PCDHGC4: variants seen among roughly 807,000 people sequenced by gnomAD.
PCDHGC4 encodes protocadherin gamma-C4.
Under a neutral mutation model 59.7 loss-of-function variants are expected in PCDHGC4, and 15 were observed. The observed-to-expected ratio is 0.25, with a 90% CI of 0.17 to 0.39. The LOEUF (loss-of-function observed/expected upper bound fraction) is 0.39, where lower values mean the gene tolerates loss of function less well. Ranked by LOEUF, PCDHGC4 falls within the 10% of genes least tolerant of loss-of-function variation. The probability of loss-of-function intolerance (pLI) is 1.00; values close to 1 mark genes in which losing one functional copy is unlikely to be tolerated. For synonymous variants in PCDHGC4, 434 were observed against 481.4 expected (o/e 0.90, Z 1.29); for missense variants, 1,016 against 1,189.5 (o/e 0.85, Z 2.15).
Position 141,489,826 on chromosome 5 carries a change from C to T in PCDHGC4, c.2442+2211C>T, listed in dbSNP as rs1270077118. 1 of 1,614,186 alleles carries T rather than the reference C, an allele frequency of 6.2e-7. No individual in the cohort carries two copies. The highest frequency in any genetic ancestry group is 1.7e-5 in the Admixed American group (1 of 60,028). On this transcript the variant is annotated intron_variant, in intron 1 of 3. Coordinates refer to ENST00000306593, the MANE Select transcript of PCDHGC4 (RefSeq NM_018928.3). The surrounding 1 kb of genome is among the most constrained non-coding windows in gnomAD (Gnocchi z 4.5). ...TGGGAAGCCATTCCCAGAGCTGGTGCTAGAGCAGCAGCTGGATCGTGAAGC... is the reference window on the plus strand; with the variant it reads ...TGGGAAGCCATTCCCAGAGCTGGTGTTAGAGCAGCAGCTGGATCGTGAAGC...
At chr5:141,495,123 T>C (rs2099759225) in intron 2 of PCDHGC4, among the ~76,000 whole-genome samples, 1 of 152,162 alleles carries the variant, frequency 6.6e-6, no homozygotes, top group African/African-American at 2.4e-5. Flanking sequence ...TCCTATCCCC[T>C]GAGGGCACTG....
intron 2 of PCDHGC4, among the ~76,000 whole-genome samples, chr5:141,496,180 GC>G (rs1054381604): frequency 1.4e-4 from 21 of 151,922 alleles, no homozygotes; most frequent in Non-Finnish European, 2.9e-4. Flanking sequence ...CATCCAAGCA[GC>G]CCCAGCTGCT....
In PCDHGC4 at chr5:141,512,267, G is replaced by C. The variant is rs2099884152; in HGVS notation, c.*1094G>C. On this transcript the variant is annotated 3_prime_UTR_variant, in exon 4 of 4. Coordinates refer to ENST00000306593, the MANE Select transcript of PCDHGC4 (RefSeq NM_018928.3). ...GCCTCTGTGGGTGCTGGGTACTCCA[G>C]AGGTGCCACTGGTGGAAGGGTCAGC... 2.6e-5 allele frequency: 4 copies of C among 152,744 alleles called. No homozygotes were observed. Among genetic ancestry groups the C allele is most frequent in the Admixed American group, 2.6e-4 (4 of 15,290 alleles). 9.5% of individuals were successfully genotyped at this position (152,744 alleles called of 1,614,324 possible). A position where few individuals can be genotyped will look rare whatever the true frequency, so the allele number is the denominator to read the frequency against.
At chr5:141,498,679 C>G (rs1454800332) in intron 2 of PCDHGC4, among the ~76,000 whole-genome samples, 1 of 152,170 alleles carries the variant, frequency 6.6e-6, no homozygotes, top group Admixed American at 6.5e-5. Flanking sequence ...CGCCTGTAAT[C>G]CCAGCACTTT....
rs1424346887 is a variant in PCDHGC4, at chr5:141,489,602, T to C, written c.2442+1987T>C. ...CCCCTGGAGCTAATCCGTGTAGAGG[T>C]AGAGATCCTGGATCTCAATGACAAC... On this transcript the variant is annotated intron_variant, in intron 1 of 3. Coordinates refer to ENST00000306593, the MANE Select transcript of PCDHGC4 (RefSeq NM_018928.3). The surrounding 1 kb of genome is among the most constrained non-coding windows in gnomAD (Gnocchi z 4.5). The C allele has an allele frequency of 5.6e-6, 9 of 1,613,754 alleles. No homozygotes were observed. In the African/African-American group the frequency reaches 6.7e-5, roughly 12 times the overall value.
In PCDHGC4 at chr5:141,491,198, A is replaced by T. The variant is rs1344758185; in HGVS notation, c.2442+3583A>T. ...GTGGTCCTGGTGAGGGACAATGGTG[A>T]CCCTTCACTCTCCTCCACAGCCACA... On this transcript the variant is annotated intron_variant, in intron 1 of 3. Coordinates refer to ENST00000306593, the MANE Select transcript of PCDHGC4 (RefSeq NM_018928.3). This position sits in a 1 kb window ranked among gnomAD's most constrained non-coding sequence, Gnocchi z 6.9. 1.2e-6 allele frequency: 2 copies of T among 1,613,912 alleles called. No individual in the cohort carries two copies. The highest frequency in any genetic ancestry group is 1.3e-5 in the African/African-American group (1 of 74,866).
At chr5:141,506,993 C>T (rs781663602) in intron 3 of PCDHGC4, 18 of 152,184 alleles carry the variant, frequency 1.2e-4, no homozygotes, top group Non-Finnish European at 1.8e-4. Context: ...TTCTCACACT[C>T]GACAGATGAG....
At chr5:141,500,822 T>A (rs1377955680) in intron 2 of PCDHGC4, among the ~76,000 whole-genome samples, 1 of 152,240 alleles carries the variant, frequency 6.6e-6, no homozygotes, top group African/African-American at 2.4e-5. Context: ...TACATATTAT[T>A]TTTCTAATGC....
rs1254986724 is a variant in PCDHGC4, at chr5:141,490,928, C to G, written c.2442+3313C>G. ...CTAGACGAGAATGATAATGCCCCAGCTGTGCTGCACCCACGGCCAGACTGG... is the reference window on the plus strand; with the variant it reads ...CTAGACGAGAATGATAATGCCCCAGGTGTGCTGCACCCACGGCCAGACTGG... On this transcript the variant is annotated intron_variant, in intron 1 of 3. Transcript: ENST00000306593. The surrounding 1 kb of genome is among the most constrained non-coding windows in gnomAD (Gnocchi z 5.4). 2 of 1,613,466 alleles carry G rather than the reference C, an allele frequency of 1.2e-6. No homozygotes were observed. Among genetic ancestry groups the G allele is most frequent in the Non-Finnish European group, 1.7e-6 (2 of 1,179,624 alleles).
Position 141,485,209 on chromosome 5 carries a change from G to T in PCDHGC4, c.36G>T (p.Trp12Cys), listed in dbSNP as rs2099609420. The T allele has an allele frequency of 6.2e-7, 1 of 1,614,032 alleles. No individual in the cohort carries two copies. Among genetic ancestry groups the T allele is most frequent in the African/African-American group, 1.3e-5 (1 of 74,938 alleles). Residue 12 changes from tryptophan (W) to cysteine (C), a missense_variant, in exon 1 of 4, where the codon TGG (tryptophan) becomes TGT (cysteine). Trp to Cys is a radical substitution (Grantham distance 215). Transcript: ENST00000306593. This position sits in a 1 kb window ranked among gnomAD's most constrained non-coding sequence, Gnocchi z 5.7. Reference sequence around the variant, plus strand: ...AGGTGAGAAGCTGGACAGAAATCTGGCGGTGGGCTACCCTTTTGTTCCTCT... The same window carrying T: ...AGGTGAGAAGCTGGACAGAAATCTGTCGGTGGGCTACCCTTTTGTTCCTCT... ...LRKVRSWTEI[W>C]RWATLLFLFY...
rs750564390 is a variant in PCDHGC4, at chr5:141,494,823, C to T, written c.2459C>T (p.Thr820Met). Residue 820 changes from threonine to methionine, a missense_variant, in exon 2 of 4, where the codon ACG becomes ATG. Physicochemically the swap from Thr to Met is moderately conservative, Grantham distance 81. Coordinates refer to ENST00000306593, the MANE Select transcript of PCDHGC4 (RefSeq NM_018928.3). Reference sequence around the variant, plus strand: ...TCTCCACAGCAAGCCCCGCCCAACACGGACTGGCGTTTCTCTCAGGCCCAG... The same window carrying T: ...TCTCCACAGCAAGCCCCGCCCAACATGGACTGGCGTTTCTCTCAGGCCCAG... ...LYGLEQAPPN[T>M]DWRFSQAQRP... 7 of 1,614,014 alleles carry T rather than the reference C, an allele frequency of 4.3e-6. No individual in the cohort carries two copies. The East Asian group carries it at 8.9e-5, about 21-fold the overall frequency.
rs953182246 is a variant in PCDHGC4, at chr5:141,511,757, C to T, written c.*584C>T. ...CTCAAGTTTTGGAGGACATGATCAC[C>T]ATCCCCATGGTACTGATGCTTGCTG... is the stretch of plus-strand genomic sequence containing the variant. On this transcript the variant is annotated 3_prime_UTR_variant, in exon 4 of 4. Coordinates refer to ENST00000306593, the MANE Select transcript of PCDHGC4 (RefSeq NM_018928.3). The T allele has an allele frequency of 6.9e-5, 12 of 174,122 alleles. No individual in the cohort carries two copies. The highest frequency in any genetic ancestry group is 2.8e-4 in the African/African-American group (12 of 42,412). The allele number at this position is 174,122 out of a possible 1,614,324, so 10.8% of individuals were successfully genotyped here.
chr5:141,485,193 G>T lies in PCDHGC4; in HGVS notation c.20G>T (p.Ser7Ile). The T allele has an allele frequency of 6.2e-7, 1 of 1,613,988 alleles. No homozygotes were observed. Among genetic ancestry groups the T allele is most frequent in the Non-Finnish European group, 8.5e-7 (1 of 1,179,852 alleles). MLRKVR[S>I]WTEIWRWATL... The stretch of plus-strand genomic sequence containing the variant: ...GCAGCAATGCTCCGCAAGGTGAGAA[G>T]CTGGACAGAAATCTGGCGGTGGGCT... Residue 7 changes from serine to isoleucine, a missense_variant, in exon 1 of 4, where the codon AGC (serine) becomes ATC (isoleucine). Transcript: ENST00000306593. The surrounding 1 kb of genome is among the most constrained non-coding windows in gnomAD (Gnocchi z 5.7).
chr5:141,500,148 G>T (rs936567158), intron 2 of PCDHGC4, among the ~76,000 whole-genome samples: 6 of 150,990 alleles, frequency 4.0e-5, no homozygotes, highest in African/African-American at 1.5e-4. Flanking sequence ...ACTTTTCTTT[G>T]TGTAATCAAA....
intron 2 of PCDHGC4, among the ~76,000 whole-genome samples, chr5:141,504,078 CCAAA>C (rs1272625151): frequency 6.6e-6 from 1 of 152,078 alleles, no homozygotes; most frequent in South Asian, 2.1e-4. Context: ...CCAGATGGTG[CCAAA>C]CAGTTACCTA....
intron 3 of PCDHGC4, among the ~76,000 whole-genome samples, chr5:141,506,363 C>T (rs1013247178): frequency 4.0e-5 from 6 of 150,792 alleles, no homozygotes; most frequent in South Asian, 4.2e-4. Context: ...GCAGGAGAAT[C>T]GCTTGAACCT....
intron 2 of PCDHGC4, among the ~76,000 whole-genome samples, chr5:141,504,689 G>A (rs1395389800): frequency 6.6e-6 from 1 of 151,502 alleles, no homozygotes; most frequent in South Asian, 2.1e-4. Context: ...TAAAATAGGA[G>A]GGGCAGGTTC....
intron 2 of PCDHGC4, among the ~76,000 whole-genome samples, chr5:141,500,881 T>G (rs940387787): frequency 1.0e-5 from 1 of 99,136 alleles, no homozygotes; most frequent in Non-Finnish European, 1.9e-5. Context: ...TTTACAATTT[T>G]TTTTTTTTGA....
In PCDHGC4 at chr5:141,485,066, G is replaced by A. The variant is rs907517904; in HGVS notation, c.-108G>A. On this transcript the variant is annotated 5_prime_UTR_variant, in exon 1 of 4. Coordinates refer to ENST00000306593, the MANE Select transcript of PCDHGC4 (RefSeq NM_018928.3). This position sits in a 1 kb window ranked among gnomAD's most constrained non-coding sequence, Gnocchi z 5.7. Reference sequence around the variant, plus strand: ...GCGGCGCCGGCCGAACCGCGCCAGAGCTGGCGCGGGGAAAGGGAGATAGGT... The same window carrying A: ...GCGGCGCCGGCCGAACCGCGCCAGAACTGGCGCGGGGAAAGGGAGATAGGT... 1 of 885,622 alleles carries A rather than the reference G, an allele frequency of 1.1e-6. No individual in the cohort carries two copies. Among genetic ancestry groups the A allele is most frequent in the Non-Finnish European group, 1.8e-6 (1 of 559,820 alleles). 54.9% of individuals were successfully genotyped at this position (885,622 alleles called of 1,614,324 possible).
Sources: allele counts gnomAD v4.1 joint callset (sites outside exome capture counted in the v4.1 genomes callset), GRCh38; gene constraint gnomAD v4.1.1; non-coding constraint Gnocchi (gnomAD v3.1); transcripts MANE v1.5; gene names NCBI Gene and HGNC (gene_info 2026-07-23, HGNC 2026-07-21).